The following STAG2 variants were observed in gnomAD, a reference collection of about 807,000 sequenced individuals.
The protein encoded by STAG2 is STAG2 cohesin complex component.
A neutral mutation model predicts 108.1 loss-of-function variants in STAG2; 14 were observed. That is an observed-to-expected ratio of 0.13 (90% confidence interval 0.09 to 0.20). The LOEUF is 0.20. Among genes scored for constraint, STAG2 ranks in the 10% least tolerant of loss-of-function variants. The probability of loss-of-function intolerance (pLI) is 1.00; values close to 1 mark genes in which losing one functional copy is unlikely to be tolerated. For synonymous variants in STAG2, 307 were observed against 302.7 expected, an observed-to-expected ratio of 1.01 and a Z score of -0.15; for missense variants, 440 against 940.9, an observed-to-expected ratio of 0.47 and a Z score of 6.96.
intron 16 of STAG2, 110 bp downstream of exon 16, chrX:124,061,451 T>A: frequency 1.8e-6 from 1 of 558,069 alleles, no homozygotes; most frequent in Non-Finnish European, 2.9e-6. Context: ...AGAAAAATCT[T>A]ACTTCGTGCA....
Position 124,068,574 on chromosome X carries a change from T to G in STAG2, c.2276T>G (p.Leu759Arg). Residue 759 changes from leucine to arginine, a missense_variant, in exon 24 of 35, where the codon CTG becomes CGG. This residue lies in a region of STAG2 where 337 missense variants were observed against 649.3 expected (regional missense o/e 0.52). Transcript: ENST00000371145. ...TESSSTKEDL[L>R]RLKKQMRVFC... is the part of the protein sequence containing the mutation. ...TTAAATTTTTTCAAGGAGGACTTGC[T>G]GCGTTTAAAGAAACAAATGAGAGTA... 1 of 1,187,893 alleles carries G rather than the reference T, an allele frequency of 8.4e-7. No individual in the cohort carries two copies. The highest frequency in any genetic ancestry group is 1.1e-6 in the Non-Finnish European group (1 of 886,623).
At chrX:124,037,016 G>A (rs1309393284) in intron 5 of STAG2, among the ~76,000 whole-genome samples, 2 of 110,459 alleles carry the variant, frequency 1.8e-5, no homozygotes, top group East Asian at 5.7e-4. Context: ...CTCGCGAGTA[G>A]TTGGGATTAC....
chrX:123,970,255 A>T (rs947432633), intron 1 of STAG2, among the ~76,000 whole-genome samples: 3 of 110,100 alleles, frequency 2.7e-5, no homozygotes, highest in African/African-American at 9.9e-5. Flanking sequence ...AAGAAAACCA[A>T]GAACTGGTGT....
chrX:124,076,233 C>T, intron 25 of STAG2, 99 bp from the exon 26 acceptor site: 2 of 839,855 alleles, frequency 2.4e-6, no homozygotes, highest in Non-Finnish European at 3.4e-6. Context: ...TTTCCCTTTT[C>T]AAATTCTCTT....
chrX:124,014,979 CTTTTTTTTTTT>C (rs34997317), intron 1 of STAG2, among the ~76,000 whole-genome samples: 1 of 44,524 alleles, frequency 2.2e-5, no homozygotes, highest in African/African-American at 9.7e-5. Context: ...ACGTACTTTT[CTTTTTTTTTTT>C]TTTTTTTTTT....
intron 13 of STAG2, among the ~76,000 whole-genome samples, chrX:124,052,387 G>T (rs2058069787): frequency 9.0e-6 from 1 of 111,468 alleles, no homozygotes; most frequent in Non-Finnish European, 1.9e-5. Context: ...CTATCTCTAT[G>T]AACTTGCCTA....
At chrX:124,001,918 A>G (rs954116276) in intron 1 of STAG2, among the ~76,000 whole-genome samples, 1 of 111,954 alleles carries the variant, frequency 8.9e-6, no homozygotes, top group Admixed American at 9.5e-5. Flanking sequence ...CTCCCTTGCA[A>G]CCATCCACAA....
chrX:124,007,969 T>C (rs1475988335), intron 1 of STAG2, among the ~76,000 whole-genome samples: 1 of 111,478 alleles, frequency 9.0e-6, no homozygotes, highest in Non-Finnish European at 1.9e-5. Context: ...CTTGTTGCTT[T>C]ATGACTTTGG....
At chrX:124,056,504 C>T (rs1395069665) in intron 14 of STAG2, among the ~76,000 whole-genome samples, 6 of 109,073 alleles carry the variant, frequency 5.5e-5, no homozygotes, top group African/African-American at 1.7e-4. Flanking sequence ...GAGGCCGAGG[C>T]GGGTGGATCA....
In STAG2 at chrX:124,045,236, A is replaced by G. The variant is rs776323897; in HGVS notation, c.535A>G (p.Ile179Val). The G allele has an allele frequency of 2.5e-6, 3 of 1,210,964 alleles. No homozygotes were observed. The Admixed American group carries it at 6.5e-5, about 26-fold the overall frequency. The change falls in exon 8 of 35, where the codon ATT (isoleucine) becomes GTT (valine). Residue 179 changes from isoleucine (I) to valine (V), a missense_variant. Coordinates refer to ENST00000371145, the MANE Select transcript of STAG2 (RefSeq NM_001042750.2). ...KKFKSSFCEFIGVLVRQCQYS... is the reference protein window; with the variant it reads ...KKFKSSFCEFVGVLVRQCQYS... ...GTTCAAATCCAGTTTTTGTGAATTCATTGGCGTGTTAGTACGGCAATGTCA... is the reference window on the plus strand; with the variant it reads ...GTTCAAATCCAGTTTTTGTGAATTCGTTGGCGTGTTAGTACGGCAATGTCA...
chrX:124,017,953 C>T (rs2056788157), intron 1 of STAG2, among the ~76,000 whole-genome samples: 1 of 111,932 alleles, frequency 8.9e-6, no homozygotes, highest in South Asian at 3.7e-4. Flanking sequence ...AATGGCAGCT[C>T]ACTATACATG....
intron 1 of STAG2, among the ~76,000 whole-genome samples, chrX:124,010,215 G>A (rs2056478122): frequency 9.0e-6 from 1 of 111,183 alleles, no homozygotes; most frequent in African/African-American, 3.3e-5. Flanking sequence ...TCCAACTGCT[G>A]TGAAACAGAT....
chrX:124,047,517 T>C lies in STAG2; in HGVS notation c.819+12T>C. ...AAAAGCGGAAAGAGGTAAACTTTTA[T>C]ATTGAATATTTAGGCTATTGTGTGA... On this transcript the variant is annotated intron_variant, in intron 9 of 34. Transcript: ENST00000371145. 1.7e-6 allele frequency: 2 copies of C among 1,199,919 alleles called. No homozygotes were observed. The highest frequency in any genetic ancestry group is 3.6e-5 in the South Asian group (2 of 55,105).
intron 1 of STAG2, among the ~76,000 whole-genome samples, chrX:123,999,959 A>C (rs1051789898): frequency 1.9e-5 from 2 of 105,512 alleles, no homozygotes; most frequent in Admixed American, 1.0e-4. Flanking sequence ...GGGTCTTGCT[A>C]TGTTGCCCAG....
At chrX:124,009,218 A>G (rs1474023033) in intron 1 of STAG2, among the ~76,000 whole-genome samples, 1 of 110,959 alleles carries the variant, frequency 9.0e-6, no homozygotes, top group Admixed American at 9.7e-5. Flanking sequence ...GTTGTTGTTT[A>G]GAAATAAGGC....
At position 124,058,008 on chromosome X, in the gene STAG2, G is replaced by A. The variant is rs745852890; in HGVS notation, c.1416+31G>A. The A allele has an allele frequency of 2.9e-6, 3 of 1,024,581 alleles. No individual in the cohort carries two copies. The Admixed American group carries it at 9.0e-5, about 31-fold the overall frequency. The allele number at this position is 1,024,581 out of a possible 1,213,427, so 84.4% of individuals were successfully genotyped here. A position where few individuals can be genotyped will look rare whatever the true frequency, so the allele number is the denominator to read the frequency against. On this transcript the variant is annotated intron_variant, in intron 15 of 34. Transcript: ENST00000371145. ...TTGATAGTATTTATTTTATACTTAG[G>A]TTCGAAAAATTTTGGAAAAGGGGTT...
At chrX:124,028,631 G>A (rs1462642458) in intron 4 of STAG2, among the ~76,000 whole-genome samples, 1 of 108,725 alleles carries the variant, frequency 9.2e-6, no homozygotes, top group Non-Finnish European at 1.9e-5. Flanking sequence ...ACTGTTAAGA[G>A]TTGAGTCGTT....
Position 123,971,862 on chromosome X carries a change from A to G in STAG2, c.-163+10006A>G, listed in dbSNP as rs1337090418. Among the ~76,000 whole-genome samples the G allele has an allele frequency of 2.7e-5, 3 of 112,448 alleles. No homozygotes were observed. In the Admixed American group the frequency reaches 2.8e-4, roughly 11 times the overall value. ...AGGGAGAAGTGTTACTAGAAAAGAA[A>G]GAAAAAGGTCCAGTTTAGAGACTTT... On this transcript the variant is annotated intron_variant, in intron 1 of 34. Coordinates refer to ENST00000371145, the MANE Select transcript of STAG2 (RefSeq NM_001042750.2).
chrX:124,063,096 G>A lies in STAG2; in HGVS notation c.1732-20G>A, dbSNP rs752503157. 62 of 1,184,089 alleles carry A rather than the reference G, an allele frequency of 5.2e-5. No individual in the cohort carries two copies. Among genetic ancestry groups the A allele is most frequent in the African/African-American group, 7.1e-5 (4 of 56,284 alleles). On this transcript the variant is annotated intron_variant, in intron 18 of 34. Coordinates refer to ENST00000371145, the MANE Select transcript of STAG2 (RefSeq NM_001042750.2). ...GCTTTCTTATTGTGATATTTTTAAC[G>A]TGATCTTTATATTTCACAGTACTCT...
Sources: gnomAD v4.1 joint callset for allele counts (sites outside exome capture counted in the v4.1 genomes callset) on GRCh38, gnomAD v4.1.1 for gene constraint, gnomAD v4.1.1 regional missense constraint, MANE v1.5 for transcripts, NCBI Gene and HGNC (gene_info 2026-07-23, HGNC 2026-07-21) for gene names.